Variants in GLG1 observed in about 807,000 individuals in gnomAD.
GLG1 encodes golgi glycoprotein 1.
Under a neutral mutation model 160.5 loss-of-function variants are expected in GLG1, and 38 were observed. The observed-to-expected ratio is 0.24, with a 90% CI of 0.18 to 0.31. GLG1 has a LOEUF of 0.31. Among genes scored for constraint, GLG1 ranks in the 10% least tolerant of loss-of-function variants. The pLI, the probability that GLG1 is intolerant of heterozygous loss-of-function variation, is 1.00. For synonymous variants in GLG1, 644 were observed against 543.4 expected, an observed-to-expected ratio of 1.19 and a Z score of -2.57; for missense variants, 1,373 against 1,505.2, an observed-to-expected ratio of 0.91 and a Z score of 1.45.
chr16:74,509,539 T>C (rs2016732721), intron 2 of GLG1, among the ~76,000 whole-genome samples: 1 of 151,922 alleles, frequency 6.6e-6, no homozygotes, highest in Admixed American at 6.6e-5. Context: ...CATATTTATC[T>C]TCATTCATTC....
rs2014276366 is a variant in GLG1 at position 74,451,093 on chromosome 16, G to A, written c.*2074C>T. ...CAGGCACGTCCGTAGGCACCTCCAT[G>A]TACATGACATTCCTGGCTCTTGATA... On this transcript the variant is annotated 3_prime_UTR_variant, in exon 26 of 26. Coordinates refer to ENST00000422840, the MANE Select transcript of GLG1 (RefSeq NM_001145667.2). The A allele has an allele frequency of 1.3e-5, 2 of 152,330 alleles. No homozygotes were observed. The highest frequency in any genetic ancestry group is 4.1e-4 in the South Asian group (2 of 4,838). 9.4% of individuals were successfully genotyped at this position (152,330 alleles called of 1,614,324 possible).
In GLG1 at chr16:74,489,236, T is replaced by C. The variant is rs557470974; in HGVS notation, c.1449+1765A>G. On this transcript the variant is annotated intron_variant, in intron 8 of 25. Transcript: ENST00000422840. ...CTGTAATCCCAGCACTTTGGGAGGC[T>C]GAGGCGGGAAGATCACCTGAGGTCC... Among the ~76,000 whole-genome samples, 78 of 152,164 alleles carry C rather than the reference T, an allele frequency of 5.1e-4. 1 individual carries two copies. In the Middle Eastern group the frequency reaches 0.024, roughly 46 times the overall value.
At chr16:74,550,734 GA>G (rs902653820) in intron 1 of GLG1, among the ~76,000 whole-genome samples, 204 of 149,780 alleles carry the variant, frequency 1.4e-3, no homozygotes, top group African/African-American at 4.5e-3. Flanking sequence ...GCAATCTTCT[GA>G]AAAAAAAAAT....
At chr16:74,527,721 G>A (rs576758878) in intron 2 of GLG1, among the ~76,000 whole-genome samples, 1 of 151,946 alleles carries the variant, frequency 6.6e-6, no homozygotes, top group African/African-American at 2.4e-5. Context: ...TCGCTTGTCT[G>A]ATAACACCTA....
At position 74,452,962 on chromosome 16, in the gene GLG1, AGCT is replaced by A. The variant is rs2143108691; in HGVS notation, c.*202_*204del. ...AACAAAGGCAGTAACCCCAGCGACC[AGCT>A]GCTGCTGCTGCACGGTGAGGAGGAG... On this transcript the variant is annotated 3_prime_UTR_variant, in exon 26 of 26. Coordinates refer to ENST00000422840, the MANE Select transcript of GLG1 (RefSeq NM_001145667.2). 8.1e-5 allele frequency: 103 copies of A among 1,269,836 alleles called. No homozygotes were observed. Among genetic ancestry groups the A allele is most frequent in the Middle Eastern group, 3.0e-4 (1 of 3,308 alleles). The allele number at this position is 1,269,836 out of a possible 1,614,324, so 78.7% of individuals were successfully genotyped here.
intron 1 of GLG1, among the ~76,000 whole-genome samples, chr16:74,550,315 G>C (rs2018163390): frequency 6.6e-6 from 1 of 152,086 alleles, no homozygotes; most frequent in Admixed American, 6.6e-5. Context: ...GTTGGAGAAA[G>C]AGCTCGAAGT....
In GLG1 at chr16:74,459,338, C is replaced by T. The variant is rs570222317; in HGVS notation, c.3144+344G>A. On this transcript the variant is annotated intron_variant, in intron 23 of 25. Transcript: ENST00000422840. ...CTAAAAATACAGAAAATTAGTCAGGCGTGGTGGCGGGCGCCTATAGTCCCA... is the reference window on the plus strand; with the variant it reads ...CTAAAAATACAGAAAATTAGTCAGGTGTGGTGGCGGGCGCCTATAGTCCCA... 5.7e-4 allele frequency among the ~76,000 whole-genome samples: 87 copies of T among 152,184 alleles called. 1 individual carries two copies. Among genetic ancestry groups the T allele is most frequent in the Non-Finnish European group, 9.1e-4 (62 of 68,008 alleles).
At chr16:74,600,161 T>TA (rs1958406559) in intron 1 of GLG1, among the ~76,000 whole-genome samples, 1 of 152,236 alleles carries the variant, frequency 6.6e-6, no homozygotes, top group Admixed American at 6.5e-5. Flanking sequence ...TTATATTTTA[T>TA]AGTCATATAT....
At chr16:74,548,130 T>C (rs2018100374) in intron 1 of GLG1, among the ~76,000 whole-genome samples, 1 of 152,190 alleles carries the variant, frequency 6.6e-6, no homozygotes, top group South Asian at 2.1e-4. Context: ...CAATATCTAT[T>C]TCTGGGTAAG....
At chr16:74,574,140 G>A (rs999414727) in intron 1 of GLG1, among the ~76,000 whole-genome samples, 12 of 152,154 alleles carry the variant, frequency 7.9e-5, no homozygotes, top group Non-Finnish European at 1.3e-4. Context: ...AAGGTCTAAA[G>A]AACACTAAGC....
intron 10 of GLG1, among the ~76,000 whole-genome samples, chr16:74,482,673 A>G (rs142172685): frequency 6.6e-6 from 1 of 152,304 alleles, no homozygotes; most frequent in East Asian, 1.9e-4. Flanking sequence ...TAAAAATACA[A>G]CTGCACTATT....
At position 74,503,520 on chromosome 16, in the gene GLG1, G is replaced by C. The variant is rs2016489469; in HGVS notation, c.774+11C>G. On this transcript the variant is annotated intron_variant, in intron 4 of 25. Transcript: ENST00000422840. Reference sequence around the variant, plus strand: ...AGACCCCTTTGTTGAAGCTAACGTAGTATTAGATACCTTTTCTCCAAGCCG... The same window carrying C: ...AGACCCCTTTGTTGAAGCTAACGTACTATTAGATACCTTTTCTCCAAGCCG... 1 of 1,555,724 alleles carries C rather than the reference G, an allele frequency of 6.4e-7. No homozygotes were observed. The highest frequency in any genetic ancestry group is 8.9e-7 in the Non-Finnish European group (1 of 1,126,794).
At chr16:74,507,596 C>T (rs1341334735) in intron 3 of GLG1, among the ~76,000 whole-genome samples, 1 of 152,032 alleles carries the variant, frequency 6.6e-6, no homozygotes, top group Non-Finnish European at 1.5e-5. Context: ...ATTAGCCAGT[C>T]CTGGTGGCAT....
At chr16:74,603,433 A>C (rs1405535661) in intron 1 of GLG1, among the ~76,000 whole-genome samples, 1 of 151,870 alleles carries the variant, frequency 6.6e-6, no homozygotes, top group African/African-American at 2.4e-5. Context: ...AAGAAAATCT[A>C]ATCTATGAAC....
intron 22 of GLG1, among the ~76,000 whole-genome samples, chr16:74,461,283 T>C (rs772900241): frequency 3.9e-4 from 59 of 151,280 alleles, no homozygotes; most frequent in Non-Finnish European, 7.7e-4. Flanking sequence ...TTCTCCTGCC[T>C]TAGCCTCCCG....
Position 74,468,927 on chromosome 16 carries a change from A to G in GLG1, c.2436+19T>C, listed in dbSNP as rs780457901. On this transcript the variant is annotated intron_variant, in intron 17 of 25. Coordinates refer to ENST00000422840, the MANE Select transcript of GLG1 (RefSeq NM_001145667.2). ...CTGGCCCACTGTGGTTTCTGGGAGC[A>G]GAGGCTGGGAGGCATTACCATCTCC... 1 of 1,452,894 alleles carries G rather than the reference A, an allele frequency of 6.9e-7. No individual in the cohort carries two copies. Among genetic ancestry groups the G allele is most frequent in the East Asian group, 2.3e-5 (1 of 44,174 alleles). The allele number at this position is 1,452,894 out of a possible 1,614,324, so 90.0% of individuals were successfully genotyped here.
At chr16:74,536,900 G>A (rs1212952463) in intron 1 of GLG1, among the ~76,000 whole-genome samples, 1 of 152,178 alleles carries the variant, frequency 6.6e-6, no homozygotes, top group African/African-American at 2.4e-5. Flanking sequence ...CTCCTAGCCT[G>A]TGGAGGCATC....
intron 13 of GLG1, among the ~76,000 whole-genome samples, chr16:74,473,918 TC>T (rs1207644066): frequency 6.6e-6 from 1 of 150,662 alleles, no homozygotes; most frequent in Non-Finnish European, 1.5e-5. Flanking sequence ...TGTAGATTGC[TC>T]TTGAATGTGA....
At chr16:74,506,081 ATTTTTTTT>A (rs71376213) in intron 3 of GLG1, among the ~76,000 whole-genome samples, 1 of 101,926 alleles carries the variant, frequency 9.8e-6, no homozygotes, top group Non-Finnish European at 1.8e-5. Context: ...CCTGGAAAAG[ATTTTTTTT>A]TTTTTTTTTT....
Sources: allele counts gnomAD v4.1 joint callset (sites outside exome capture counted in the v4.1 genomes callset), GRCh38; gene constraint gnomAD v4.1.1; transcripts MANE v1.5; gene names NCBI Gene and HGNC (gene_info 2026-07-23, HGNC 2026-07-21).